The following PLA2G4C variants were observed in gnomAD, a reference collection of about 807,000 sequenced individuals.
PLA2G4C encodes phospholipase A2 group IVC, also known as cytosolic phospholipase A2 gamma.
In PLA2G4C, 64 loss-of-function variants were observed where a neutral mutation model predicts 73.8. The ratio of observed to expected loss-of-function variants is 0.87; its 90% CI spans 0.71 to 1.07. The LOEUF is 1.07. Ranked by LOEUF, PLA2G4C falls within the 50% of genes least tolerant of loss-of-function variation. The pLI is 0.00. For missense variants in PLA2G4C, 622 were observed against 665.4 expected, an observed-to-expected ratio of 0.93 and a Z score of 0.72; for synonymous variants, 254 against 252.1, an observed-to-expected ratio of 1.01 and a Z score of -0.07.
intron 4 of PLA2G4C, chr19:48,104,303 A>T: frequency 3.0e-6 from 1 of 334,420 alleles, no homozygotes; most frequent in Non-Finnish European, 5.5e-6. Context: ...AGCTGTGGGA[A>T]ACCCCAAACT....
At position 48,085,095 on chromosome 19, in the gene PLA2G4C, C is replaced by T. The variant is rs755597179; in HGVS notation, c.808G>A (p.Val270Ile). 5 of 1,611,858 alleles carry T rather than the reference C, an allele frequency of 3.1e-6. No homozygotes were observed. In the South Asian group the frequency reaches 5.5e-5, roughly 18 times the overall value. ...LTLKGLWRRA[V>I]ANAKSIGHLI... ...TGTCCAATGCTTTTAGCATTAGCAA[C>T]AGCCCTTCTCCATAAACCTGCCAAG... The change falls in exon 10 of 17, where the codon GTT becomes ATT. Residue 270 changes from valine to isoleucine, a missense_variant. Coordinates refer to ENST00000599921, the MANE Select transcript of PLA2G4C (RefSeq NM_003706.3).
At chr19:48,051,136 T>C (rs1239764840) in intron 16 of PLA2G4C, among the ~76,000 whole-genome samples, 2 of 152,004 alleles carry the variant, frequency 1.3e-5, no homozygotes, top group South Asian at 4.1e-4. Flanking sequence ...GGAGATGAGA[T>C]GATAGAAGCA....
At chr19:48,100,086 A>G in intron 4 of PLA2G4C, 1 of 460,344 alleles carries the variant, frequency 2.2e-6, no homozygotes, top group Non-Finnish European at 3.8e-6. Context: ...ACAGGCAGGA[A>G]AATGAGAGCA....
At chr19:48,074,986 G>A in intron 11 of PLA2G4C, 112 bp from the exon 12 acceptor site, 1 of 644,390 alleles carries the variant, frequency 1.6e-6, no homozygotes, top group South Asian at 2.0e-5. Context: ...CTCCTGAGGT[G>A]ACCTCCTTCT....
chr19:48,096,994 A>G (rs2031604626), intron 6 of PLA2G4C: 1 of 151,880 alleles, frequency 6.6e-6, no homozygotes, highest in Admixed American at 6.6e-5. Flanking sequence ...CGTCTCTACT[A>G]AAAATACAAA....
At chr19:48,105,990 C>CTTTCTTTCTT (rs2043662053) in intron 2 of PLA2G4C, among the ~76,000 whole-genome samples, 1 of 110,510 alleles carries the variant, frequency 9.0e-6, no homozygotes, top group Non-Finnish European at 1.8e-5. Flanking sequence ...TTCTTTCTTT[C>CTTTCTTTCTT]TTTCTCTTTC....
intron 1 of PLA2G4C, among the ~76,000 whole-genome samples, chr19:48,109,533 A>G (rs1037411268): frequency 6.6e-6 from 1 of 152,182 alleles, no homozygotes; most frequent in Admixed American, 6.5e-5. Context: ...TGGCTTCCCA[A>G]AACGCTGGGA....
chr19:48,050,673 C>CTTTTTTTTTTTTTTTTTT lies in PLA2G4C; in HGVS notation c.1581-2303_1581-2286dup, dbSNP rs5828330. 4.6e-4 allele frequency among the ~76,000 whole-genome samples: 36 copies of CTTTTTTTTTTTTTTTTTT among 78,746 alleles called. 8 individuals carry two copies. Among genetic ancestry groups the CTTTTTTTTTTTTTTTTTT allele is most frequent in the East Asian group, 1.6e-3 (3 of 1,892 alleles). The allele number at this position is 78,746 out of a possible 152,430, so 51.7% of individuals were successfully genotyped here. A position where few individuals can be genotyped will look rare whatever the true frequency, so the allele number is the denominator to read the frequency against. On this transcript the variant is annotated intron_variant, in intron 16 of 16. Transcript: ENST00000599921. ...ATCCCTAGAGCCTGTGAGTATGTGACTTTTTTTTTTTTTTTTTTTGAGACA... is the reference window on the plus strand; with the variant it reads ...ATCCCTAGAGCCTGTGAGTATGTGACTTTTTTTTTTTTTTTTTTTTTTTTTTTTTTTTTTTTTGAGACA...
At chr19:48,060,494 C>A (rs1968129614) in intron 14 of PLA2G4C, among the ~76,000 whole-genome samples, 1 of 152,104 alleles carries the variant, frequency 6.6e-6, no homozygotes, top group Non-Finnish European at 1.5e-5. Context: ...ACCAGATAAG[C>A]ATTGTTGTTA....
intron 1 of PLA2G4C, among the ~76,000 whole-genome samples, chr19:48,107,206 C>G (rs916043798): frequency 2.6e-5 from 4 of 151,198 alleles, no homozygotes; most frequent in African/African-American, 9.8e-5. Flanking sequence ...AATTGATCGG[C>G]TATGGATGAA....
At chr19:48,105,285 AG>A (rs745530275) in intron 3 of PLA2G4C, 47 bp downstream of exon 3, 1 of 1,302,500 alleles carries the variant, frequency 7.7e-7, no homozygotes, top group South Asian at 1.2e-5. Flanking sequence ...CTGGGCACAG[AG>A]GGGGCGATTC....
chr19:48,061,983 G>C lies in PLA2G4C; in HGVS notation c.1257+15C>G. 1 of 1,613,116 alleles carries C rather than the reference G, an allele frequency of 6.2e-7. No homozygotes were observed. Among genetic ancestry groups the C allele is most frequent in the Non-Finnish European group, 8.5e-7 (1 of 1,179,554 alleles). On this transcript the variant is annotated intron_variant, in intron 14 of 16. Transcript: ENST00000599921. ...CCTCCCACCCAGGACCGGCCCCAAA[G>C]CCCTTCTCGATTACCTCGAAAGGAT...
chr19:48,079,999 A>C (rs1356293374), intron 10 of PLA2G4C, among the ~76,000 whole-genome samples: 1 of 152,220 alleles, frequency 6.6e-6, no homozygotes, highest in Non-Finnish European at 1.5e-5. Flanking sequence ...TAAATTAAAA[A>C]GCTTCTGTAC....
intron 5 of PLA2G4C, among the ~76,000 whole-genome samples, chr19:48,099,046 G>A (rs1366079426): frequency 6.6e-6 from 1 of 151,914 alleles, no homozygotes; most frequent in East Asian, 1.9e-4. Flanking sequence ...GATTGCTTGA[G>A]CTCAGGAGTT....
At position 48,052,993 on chromosome 19, in the gene PLA2G4C, C is replaced by T. The variant is rs755829234; in HGVS notation, c.1580+4G>A. ...CATCAGAGCGACTATGGTCTCCCAC[C>T]TACCCGGCCACGTTCATCAACTCTC... On this transcript the variant is annotated splice_donor_region_variant and intron_variant, in intron 16 of 16. Coordinates refer to ENST00000599921, the MANE Select transcript of PLA2G4C (RefSeq NM_003706.3). 3.1e-6 allele frequency: 5 copies of T among 1,604,694 alleles called. No individual in the cohort carries two copies. Among genetic ancestry groups the T allele is most frequent in the Admixed American group, 3.4e-5 (2 of 59,516 alleles).
intron 15 of PLA2G4C, among the ~76,000 whole-genome samples, chr19:48,054,594 C>G (rs1209278628): frequency 6.6e-6 from 1 of 152,044 alleles, no homozygotes; most frequent in Non-Finnish European, 1.5e-5. Context: ...GGATTACAGG[C>G]ATGAGCCACC....
intron 1 of PLA2G4C, among the ~76,000 whole-genome samples, chr19:48,108,512 C>T (rs536038841): frequency 6.6e-6 from 1 of 152,204 alleles, no homozygotes; most frequent in South Asian, 2.1e-4. Context: ...TCATGCGACC[C>T]CTGGTTACGT....
chr19:48,085,219 G>A (rs914119191), intron 9 of PLA2G4C, 107 bp from the exon 10 acceptor site: 1 of 770,250 alleles, frequency 1.3e-6, no homozygotes, highest in Non-Finnish European at 2.3e-6. Context: ...GGGATCTGCA[G>A]CAGGAAGAAA....
At chr19:48,082,962 C>T (rs186080150) in intron 10 of PLA2G4C, among the ~76,000 whole-genome samples, 4,099 of 151,686 alleles carry the variant, frequency 0.027, 148 homozygotes, top group African/African-American at 0.082. Context: ...TACAGGCGCC[C>T]GCCACTACGC....
Sources: gnomAD v4.1 joint callset for allele counts (sites outside exome capture counted in the v4.1 genomes callset) on GRCh38, gnomAD v4.1.1 for gene constraint, MANE v1.5 for transcripts, NCBI Gene and HGNC (gene_info 2026-07-23, HGNC 2026-07-21) for gene names.